Variants in GRM7 observed in about 807,000 individuals in gnomAD.
The protein encoded by GRM7 is glutamate metabotropic receptor 7, also known as metabotropic glutamate receptor 7.
A neutral mutation model predicts 84.5 loss-of-function variants in GRM7; 35 were observed. That is an observed-to-expected ratio of 0.41 (90% CI 0.32 to 0.55). The LOEUF (loss-of-function observed/expected upper bound fraction) is 0.55, where lower values mean the gene tolerates loss of function less well. Among genes scored for constraint, GRM7 ranks in the 20% least tolerant of loss-of-function variants. The pLI, the probability that GRM7 is intolerant of heterozygous loss-of-function variation, is 0.19. For synonymous variants in GRM7, 487 were observed against 455.1 expected (o/e 1.07, Z -0.89); for missense variants, 1,003 against 1,194.6 (o/e 0.84, Z 2.36).
At chr3:7,061,355 C>T (rs767022422) in intron 1 of GRM7, among the ~76,000 whole-genome samples, 2 of 151,708 alleles carry the variant, frequency 1.3e-5, no homozygotes, top group Non-Finnish European at 2.9e-5. Context: ...AAGTTCATAA[C>T]TCATTTTATC....
intron 7 of GRM7, among the ~76,000 whole-genome samples, chr3:7,547,907 C>A (rs1489434966): frequency 6.6e-6 from 1 of 152,152 alleles, no homozygotes; most frequent in Non-Finnish European, 1.5e-5. Context: ...AACTGGAGAT[C>A]CTTTCCAGAA....
intron 1 of GRM7, among the ~76,000 whole-genome samples, chr3:6,880,213 G>A (rs960381110): frequency 6.6e-6 from 1 of 152,180 alleles, no homozygotes; most frequent in Non-Finnish European, 1.5e-5. Flanking sequence ...CAGTCTCCCC[G>A]ACAAAGAACC....
intron 7 of GRM7, among the ~76,000 whole-genome samples, chr3:7,495,760 T>C (rs541573100): frequency 2.6e-5 from 4 of 152,344 alleles, no homozygotes; most frequent in Non-Finnish European, 5.9e-5. Flanking sequence ...TGTTGCTAGG[T>C]TGTGAGTCTA....
intron 1 of GRM7, among the ~76,000 whole-genome samples, chr3:6,979,003 A>G (rs1350426596): frequency 6.6e-6 from 1 of 152,184 alleles, no homozygotes; most frequent in Non-Finnish European, 1.5e-5. Flanking sequence ...GTTTCAGAGT[A>G]GCCCTCAGCC....
intron 2 of GRM7, among the ~76,000 whole-genome samples, chr3:7,182,223 A>T (rs1478270676): frequency 6.6e-6 from 1 of 152,176 alleles, no homozygotes; most frequent in Non-Finnish European, 1.5e-5. Flanking sequence ...TGATAATGCA[A>T]AAAAAACTAT....
At chr3:7,291,212 T>C (rs907127675) in intron 2 of GRM7, among the ~76,000 whole-genome samples, 1 of 152,076 alleles carries the variant, frequency 6.6e-6, no homozygotes, top group Non-Finnish European at 1.5e-5. Context: ...GCAAAGATCA[T>C]TTAGGACAAT....
chr3:7,687,666 T>A (rs1417344779), intron 9 of GRM7, among the ~76,000 whole-genome samples: 1 of 152,136 alleles, frequency 6.6e-6, no homozygotes, highest in Non-Finnish European at 1.5e-5. Flanking sequence ...TAGACTGGCC[T>A]TTCTCTTTCC....
chr3:7,224,444 G>C (rs533439870), intron 2 of GRM7, among the ~76,000 whole-genome samples: 7 of 152,190 alleles, frequency 4.6e-5, no homozygotes. Flanking sequence ...GGGGATTACA[G>C]TTGAACATGA....
In GRM7 at chr3:7,534,686, T is replaced by C. The variant is rs536196744; in HGVS notation, c.1516-43736T>C. On this transcript the variant is annotated intron_variant, in intron 7 of 9. Transcript: ENST00000357716. ...TCAGGAGCTATAATAAACAGGGCCC[T>C]TAATTCTATGTGGAATATATAGTTG... Among the ~76,000 whole-genome samples the C allele has an allele frequency of 3.6e-4, 55 of 152,266 alleles. 1 individual carries two copies. The highest frequency in any genetic ancestry group is 1.3e-3 in the African/African-American group (53 of 41,572).
rs186501772 is a variant in GRM7 at position 7,729,774 on chromosome 3, C to T, written c.2699-10583C>T. On this transcript the variant is annotated intron_variant, in intron 9 of 9. Transcript: ENST00000357716. Reference sequence around the variant, plus strand: ...AGGCTGGAGTGCAATGGCGCAATCTCGGCTCACTGCAACCTCCGCCTCCTG... The same window carrying T: ...AGGCTGGAGTGCAATGGCGCAATCTTGGCTCACTGCAACCTCCGCCTCCTG... Among the ~76,000 whole-genome samples, 464 of 151,110 alleles carry T rather than the reference C, an allele frequency of 3.1e-3. 3 individuals are homozygous for T. Among genetic ancestry groups the T allele is most frequent in the African/African-American group, 0.011 (436 of 41,246 alleles).
At chr3:7,408,474 T>G (rs185384700) in intron 4 of GRM7, among the ~76,000 whole-genome samples, 2 of 152,216 alleles carry the variant, frequency 1.3e-5, no homozygotes, top group East Asian at 1.9e-4. Context: ...CTCTCATCAA[T>G]AGACACACCA....
intron 2 of GRM7, among the ~76,000 whole-genome samples, chr3:7,172,992 C>A (rs965171): frequency 6.6e-6 from 1 of 151,784 alleles, no homozygotes; most frequent in South Asian, 2.1e-4. Flanking sequence ...TAGATATACA[C>A]CTATATATTA....
chr3:7,556,147 G>A (rs1658442700), intron 7 of GRM7, among the ~76,000 whole-genome samples: 1 of 152,046 alleles, frequency 6.6e-6, no homozygotes, highest in African/African-American at 2.4e-5. Context: ...CATACATGAT[G>A]CCTTATCCTT....
chr3:7,242,253 G>A (rs1209363385), intron 2 of GRM7, among the ~76,000 whole-genome samples: 1 of 152,166 alleles, frequency 6.6e-6, no homozygotes, highest in East Asian at 1.9e-4. Flanking sequence ...GGGAGCCGAT[G>A]GATTCATAAT....
intron 7 of GRM7, among the ~76,000 whole-genome samples, chr3:7,503,774 C>G (rs1699956380): frequency 6.6e-6 from 1 of 152,150 alleles, no homozygotes; most frequent in Admixed American, 6.6e-5. Flanking sequence ...TAACCAATAA[C>G]TCCAATTGAA....
intron 2 of GRM7, among the ~76,000 whole-genome samples, chr3:7,179,204 G>A (rs1695256301): frequency 6.6e-6 from 1 of 152,152 alleles, no homozygotes; most frequent in Non-Finnish European, 1.5e-5. Context: ...AATCTCTGGA[G>A]GTATTGTCAG....
chr3:7,440,316 CTG>C (rs2124869446), intron 5 of GRM7, among the ~76,000 whole-genome samples: 1 of 152,284 alleles, frequency 6.6e-6, no homozygotes, highest in Admixed American at 6.5e-5. Context: ...TTATTTCTGA[CTG>C]TGGGCTTGGA....
intron 5 of GRM7, among the ~76,000 whole-genome samples, chr3:7,437,403 T>G: frequency 6.6e-6 from 1 of 152,176 alleles, no homozygotes; most frequent in East Asian, 1.9e-4. Context: ...ATAAATCAGT[T>G]ATTTATTGTG....
At chr3:6,866,827 G>T (rs943623388) in intron 1 of GRM7, among the ~76,000 whole-genome samples, 3 of 152,198 alleles carry the variant, frequency 2.0e-5, no homozygotes, top group Admixed American at 6.5e-5. Context: ...AATGAAGCAG[G>T]TGATTGGTTC....
Sources: allele counts gnomAD v4.1 joint callset (sites outside exome capture counted in the v4.1 genomes callset), GRCh38; gene constraint gnomAD v4.1.1; transcripts MANE v1.5; gene names NCBI Gene and HGNC (gene_info 2026-07-23, HGNC 2026-07-21).